RFX3: variants seen among roughly 807,000 people sequenced by gnomAD.
RFX3 encodes transcription factor RFX3.
Under a neutral mutation model 98.6 loss-of-function variants are expected in RFX3, and 14 were observed. The observed-to-expected ratio is 0.14, with a 90% confidence interval of 0.09 to 0.22. RFX3 has a LOEUF of 0.22. RFX3 is among the 10% of genes least tolerant of loss of function. The pLI, the probability that RFX3 is intolerant of heterozygous loss-of-function variation, is 1.00. For missense variants in RFX3, 639 were observed against 926.9 expected (o/e 0.69, Z 4.03); for synonymous variants, 383 against 328.4 (o/e 1.17, Z -1.80).
At chr9:3,349,543 C>T (rs963814406) in intron 2 of RFX3, among the ~76,000 whole-genome samples, 2 of 151,888 alleles carry the variant, frequency 1.3e-5, no homozygotes, top group South Asian at 2.1e-4. Context: ...GACAGATGAC[C>T]CTCCTTTCAC....
intron 4 of RFX3, among the ~76,000 whole-genome samples, chr9:3,310,424 C>G (rs573691820): frequency 8.6e-4 from 131 of 152,232 alleles, no homozygotes; most frequent in African/African-American, 2.8e-3. Flanking sequence ...AAGGCATGTT[C>G]TCTCGACTCT....
intron 1 of RFX3, among the ~76,000 whole-genome samples, chr9:3,492,417 T>G (rs1378954868): frequency 1.3e-5 from 2 of 152,234 alleles, no homozygotes; most frequent in Non-Finnish European, 2.9e-5. Flanking sequence ...GCTTTGGCCC[T>G]CTGGCCAGGT....
intron 2 of RFX3, among the ~76,000 whole-genome samples, chr9:3,394,390 G>A (rs1053562484): frequency 6.6e-6 from 1 of 152,180 alleles, no homozygotes; most frequent in African/African-American, 2.4e-5. Flanking sequence ...GTGAACCCGG[G>A]AGGCAGAGCT....
In RFX3 at chr9:3,347,787, T is replaced by C. The variant is rs145177204; in HGVS notation, c.118-1023A>G. ...GTTGCAGCGAGCCGAGACTGTGCCA[T>C]TGCACTCCAGCCTGGGCAACAAGAT... On this transcript the variant is annotated intron_variant, in intron 2 of 16. Transcript: ENST00000617270. Among the ~76,000 whole-genome samples, 555 of 152,072 alleles carry C rather than the reference T, an allele frequency of 3.6e-3. 6 individuals are homozygous for C. Among genetic ancestry groups the C allele is most frequent in the African/African-American group, 0.013 (520 of 41,488 alleles).
At chr9:3,361,773 C>G (rs982228111) in intron 2 of RFX3, among the ~76,000 whole-genome samples, 1 of 151,438 alleles carries the variant, frequency 6.6e-6, no homozygotes, top group African/African-American at 2.4e-5. Flanking sequence ...CATAGGGAGA[C>G]CCTGCCTCTA....
chr9:3,351,671 T>A (rs1405676807), intron 2 of RFX3, among the ~76,000 whole-genome samples: 1 of 151,886 alleles, frequency 6.6e-6, no homozygotes, highest in African/African-American at 2.4e-5. Context: ...GGTCACAAAA[T>A]TAAAATTATA....
chr9:3,460,781 T>C (rs1222320410), intron 1 of RFX3, among the ~76,000 whole-genome samples: 1 of 151,548 alleles, frequency 6.6e-6, no homozygotes, highest in Non-Finnish European at 1.5e-5. Flanking sequence ...CACTGTACTA[T>C]TTTCTTGCCA....
chr9:3,504,002 A>G (rs1272967705), intron 1 of RFX3, among the ~76,000 whole-genome samples: 1 of 151,308 alleles, frequency 6.6e-6, no homozygotes, highest in East Asian at 1.9e-4. Context: ...AAGTGTTTCC[A>G]AAGAGCCTCC....
At chr9:3,453,977 T>C (rs1846916873) in intron 1 of RFX3, among the ~76,000 whole-genome samples, 1 of 152,184 alleles carries the variant, frequency 6.6e-6, no homozygotes, top group South Asian at 2.1e-4. Flanking sequence ...AGTGATAACA[T>C]ACATAAATAA....
At chr9:3,464,422 C>A (rs549782522) in intron 1 of RFX3, among the ~76,000 whole-genome samples, 12 of 152,210 alleles carry the variant, frequency 7.9e-5, no homozygotes, top group Non-Finnish European at 1.5e-4. Flanking sequence ...AACCAAATTG[C>A]GGTATAGCCA....
At chr9:3,434,805 T>G (rs530078143) in intron 1 of RFX3, among the ~76,000 whole-genome samples, 1 of 152,192 alleles carries the variant, frequency 6.6e-6, no homozygotes, top group South Asian at 2.1e-4. Flanking sequence ...GGATATGTTT[T>G]AAGAAATGCA....
At chr9:3,447,363 G>T (rs1846144669) in intron 1 of RFX3, among the ~76,000 whole-genome samples, 1 of 152,002 alleles carries the variant, frequency 6.6e-6, no homozygotes, top group Non-Finnish European at 1.5e-5. Context: ...GTAACATGGA[G>T]ATAATAACTG....
chr9:3,283,278 A>G (rs1826147313), intron 7 of RFX3, among the ~76,000 whole-genome samples: 1 of 151,800 alleles, frequency 6.6e-6, no homozygotes, highest in Non-Finnish European at 1.5e-5. Context: ...TGCTCATCAT[A>G]TAATAATGAT....
intron 1 of RFX3, among the ~76,000 whole-genome samples, chr9:3,513,871 G>A (rs529351514): frequency 2.0e-4 from 31 of 152,212 alleles, no homozygotes; most frequent in South Asian, 8.3e-4. Flanking sequence ...AATCTTTGCT[G>A]AAATATAAAC....
chr9:3,288,653 C>T (rs1586893100), intron 6 of RFX3, among the ~76,000 whole-genome samples: 1 of 151,854 alleles, frequency 6.6e-6, no homozygotes, highest in Non-Finnish European at 1.5e-5. Flanking sequence ...CAATGGAATA[C>T]GTATTTATTG....
chr9:3,473,935 A>G (rs886227960), intron 1 of RFX3, among the ~76,000 whole-genome samples: 10 of 152,210 alleles, frequency 6.6e-5, no homozygotes, highest in African/African-American at 2.2e-4. Flanking sequence ...ATAATAAAAT[A>G]TAGAATATAA....
intron 1 of RFX3, among the ~76,000 whole-genome samples, chr9:3,408,092 G>A (rs1319319175): frequency 6.6e-6 from 1 of 152,134 alleles, no homozygotes; most frequent in Admixed American, 6.6e-5. Context: ...ATCTCAATTC[G>A]TTCATTCACC....
At chr9:3,461,326 C>T (rs1190125942) in intron 1 of RFX3, among the ~76,000 whole-genome samples, 1 of 151,776 alleles carries the variant, frequency 6.6e-6, no homozygotes, top group Non-Finnish European at 1.5e-5. Flanking sequence ...TAACAGATAC[C>T]GTGTTAGATG....
intron 5 of RFX3, among the ~76,000 whole-genome samples, chr9:3,296,900 G>C (rs1291671550): frequency 1.3e-5 from 2 of 152,116 alleles, no homozygotes; most frequent in East Asian, 1.9e-4. Flanking sequence ...ACAAGACTTT[G>C]AGATGTGGCT....
Sources: allele counts gnomAD v4.1 joint callset (sites outside exome capture counted in the v4.1 genomes callset), GRCh38; gene constraint gnomAD v4.1.1; transcripts MANE v1.5; gene names NCBI Gene and HGNC (gene_info 2026-07-23, HGNC 2026-07-21).